SP8: variants seen among roughly 807,000 people sequenced by gnomAD.
SP8 encodes the protein transcription factor Sp8.
In SP8, 7 loss-of-function variants were observed where a neutral mutation model predicts 15.3. The observed-to-expected ratio is 0.46, with a 90% CI of 0.26 to 0.86. The LOEUF (loss-of-function observed/expected upper bound fraction) is 0.86. Among genes scored for constraint, SP8 ranks in the 40% least tolerant of loss-of-function variants. The pLI is 0.16. For missense variants in SP8, 731 were observed against 736.4 expected, an observed-to-expected ratio of 0.99 and a Z score of 0.09; for synonymous variants, 415 against 356.3, an observed-to-expected ratio of 1.16 and a Z score of -1.86.
At position 20,785,134 on chromosome 7, in the gene SP8, C is replaced by A. The variant is rs371130757; in HGVS notation, c.683G>T (p.Trp228Leu). 29 of 1,591,352 alleles carry A rather than the reference C, an allele frequency of 1.8e-5. No homozygotes were observed. Among genetic ancestry groups the A allele is most frequent in the Non-Finnish European group, 2.4e-5 (28 of 1,171,818 alleles). The change falls in exon 2 of 2, where the codon TGG (tryptophan) becomes TTG (leucine). Residue 228 changes from tryptophan to leucine, a missense_variant. By Grantham distance (61) the Trp-to-Leu change is moderately conservative. This residue lies in a region of SP8 where 586 missense variants were observed against 524.9 expected (regional missense o/e 1.12). Transcript: ENST00000418710. This position sits in a 1 kb window ranked among gnomAD's most constrained non-coding sequence, Gnocchi z 7.2. ...GEVGSAGASSWWDVGAGWIDV... is the reference protein window; with the variant it reads ...GEVGSAGASSLWDVGAGWIDV... ...GATCCAGCCGGCCCCCACGTCCCAC[C>A]AGCTGGAGGCGCCGGCCGAGCCCAC...
chr7:20,784,080 G>T lies in SP8; in HGVS notation c.*210C>A, dbSNP rs1270761817. On this transcript the variant is annotated 3_prime_UTR_variant, in exon 2 of 2. Transcript: ENST00000418710. Reference sequence around the variant, plus strand: ...TTACCCGTGGAAAGGGAAAGCCAGGGCCCGGGACAGCGATGCGTGTTACTT... The same window carrying T: ...TTACCCGTGGAAAGGGAAAGCCAGGTCCCGGGACAGCGATGCGTGTTACTT... The T allele has an allele frequency of 4.1e-6, 2 of 490,348 alleles. No individual in the cohort carries two copies. The highest frequency in any genetic ancestry group is 4.0e-5 in the African/African-American group (2 of 49,400). 30.4% of individuals were successfully genotyped at this position (490,348 alleles called of 1,614,324 possible).
In SP8 at chr7:20,784,903, A is replaced by G; in HGVS notation, c.914T>C (p.Leu305Pro). Residue 305 changes from leucine to proline, a missense_variant, in exon 2 of 2, where the codon CTA becomes CCA. Physicochemically the swap from Leu to Pro is moderately conservative, Grantham distance 98 (BLOSUM62 -3). Coordinates refer to ENST00000418710, the MANE Select transcript of SP8 (RefSeq NM_182700.6). ...GGCCGAGTCCGGGTAGGAGCCGGGT[A>G]GCACTGGCTTGAAGCCGTCCATGAG... ...QHLMDGFKPVLPGSYPDSAPS... is the reference protein window; with the variant it reads ...QHLMDGFKPVPPGSYPDSAPS... 6.5e-7 allele frequency: 1 copy of G among 1,537,184 alleles called. No individual in the cohort carries two copies. The highest frequency in any genetic ancestry group is 8.7e-7 in the Non-Finnish European group (1 of 1,148,034).
In SP8 at chr7:20,785,225, C is replaced by T; in HGVS notation, c.592G>A (p.Gly198Ser). 6.3e-7 allele frequency: 1 copy of T among 1,599,082 alleles called. No homozygotes were observed. The highest frequency in any genetic ancestry group is 2.3e-5 in the East Asian group (1 of 43,550). Residue 198 changes from glycine (G) to serine (S), a missense_variant, in exon 2 of 2, where the codon GGC becomes AGC. By Grantham distance (56) the Gly-to-Ser change is moderately conservative. Coordinates refer to ENST00000418710, the MANE Select transcript of SP8 (RefSeq NM_182700.6). The surrounding 1 kb of genome is among the most constrained non-coding windows in gnomAD (Gnocchi z 7.2). ...DGLQGIYPRV[G>S]MAHPYESWFK... ...CACGACTCGTACGGGTGCGCCATGC[C>T]CACCCGCGGGTAGATGCCCTGCAGC...
rs1783540272 is a variant in SP8 at position 20,783,000 on chromosome 7, T to A, written c.*1290A>T. The A allele has an allele frequency of 6.6e-6, 1 of 152,616 alleles. No individual in the cohort carries two copies. The highest frequency in any genetic ancestry group is 1.5e-5 in the Non-Finnish European group (1 of 68,032). 9.5% of individuals were successfully genotyped at this position (152,616 alleles called of 1,614,324 possible). A position where few individuals can be genotyped will look rare whatever the true frequency, so the allele number is the denominator to read the frequency against. On this transcript the variant is annotated 3_prime_UTR_variant, in exon 2 of 2. Transcript: ENST00000418710. Reference sequence around the variant, plus strand: ...TAATTGGTAACTAATCTAGAACGATTCTCCAGTTGTACAAACCATTAGGTT... The same window carrying A: ...TAATTGGTAACTAATCTAGAACGATACTCCAGTTGTACAAACCATTAGGTT...
chr7:20,784,285 G>A lies in SP8; in HGVS notation c.*5C>T, dbSNP rs1172581444. 8.9e-6 allele frequency: 13 copies of A among 1,462,824 alleles called. No individual in the cohort carries two copies. The highest frequency in any genetic ancestry group is 9.0e-6 in the Non-Finnish European group (10 of 1,113,880). The allele number at this position is 1,462,824 out of a possible 1,614,324, so 90.6% of individuals were successfully genotyped here. A position where few individuals can be genotyped will look rare whatever the true frequency, so the allele number is the denominator to read the frequency against. On this transcript the variant is annotated 3_prime_UTR_variant, in exon 2 of 2. Transcript: ENST00000418710. ...TCGGGGAGAGGGGCGGGCGCAGGGTGGGCGTCACTCTAGGCCGTTGCGGTG... is the reference window on the plus strand; with the variant it reads ...TCGGGGAGAGGGGCGGGCGCAGGGTAGGCGTCACTCTAGGCCGTTGCGGTG...
In SP8 at chr7:20,786,811, CCCT is replaced by C; in HGVS notation, c.-16_-14del. On this transcript the variant is annotated 5_prime_UTR_variant, in exon 1 of 2. Coordinates refer to ENST00000418710, the MANE Select transcript of SP8 (RefSeq NM_182700.6). This position sits in a 1 kb window ranked among gnomAD's most constrained non-coding sequence, Gnocchi z 4.4. ...GTGAAGTTGCCATCACACAAAAGTG[CCCT>C]CCTCCTCTCAGAGGATCTTTTTTAT... 3 of 1,609,718 alleles carry C rather than the reference CCCT, an allele frequency of 1.9e-6. No homozygotes were observed. Among genetic ancestry groups the C allele is most frequent in the African/African-American group, 1.3e-5 (1 of 74,996 alleles).
rs185478820 is a variant in SP8 at position 20,786,241 on chromosome 7, T to C, written c.22-446A>G. 6.6e-6 allele frequency among the ~76,000 whole-genome samples: 1 copy of C among 152,314 alleles called. No homozygotes were observed. The highest frequency in any genetic ancestry group is 6.5e-5 in the Admixed American group (1 of 15,298). Reference sequence around the variant, plus strand: ...AATCCGGAGAGCTTTGAAAAACCTGTTCGGGTCCCCAGAAACCCATCCTGG... The same window carrying C: ...AATCCGGAGAGCTTTGAAAAACCTGCTCGGGTCCCCAGAAACCCATCCTGG... On this transcript the variant is annotated intron_variant, in intron 1 of 1. Coordinates refer to ENST00000418710, the MANE Select transcript of SP8 (RefSeq NM_182700.6). The surrounding 1 kb of genome is among the most constrained non-coding windows in gnomAD (Gnocchi z 4.4).
chr7:20,785,705 A>G lies in SP8; in HGVS notation c.112T>C (p.Ser38Pro), dbSNP rs1783658228. The G allele has an allele frequency of 1.2e-6, 2 of 1,613,860 alleles. No homozygotes were observed. The highest frequency in any genetic ancestry group is 1.7e-6 in the Non-Finnish European group (2 of 1,179,962). The change falls in exon 2 of 2, where the codon TCG becomes CCG. Residue 38 changes from serine to proline, a missense_variant. Physicochemically the swap from Ser to Pro is moderately conservative, Grantham distance 74. Coordinates refer to ENST00000418710, the MANE Select transcript of SP8 (RefSeq NM_182700.6). The surrounding 1 kb of genome is among the most constrained non-coding windows in gnomAD (Gnocchi z 7.2). ...GSPSPSPSSL[S>P]DSSSSFGKGF... ...TTGCCGAAGGAAGAAGAGCTGTCCG[A>G]GAGGGAGGAGGGAGACGGGCTGGGG... is the stretch of plus-strand genomic sequence containing the variant.
chr7:20,784,990 A>T lies in SP8; in HGVS notation c.827T>A (p.Leu276Gln). 2 of 1,572,702 alleles carry T rather than the reference A, an allele frequency of 1.3e-6. No individual in the cohort carries two copies. The highest frequency in any genetic ancestry group is 1.7e-6 in the Non-Finnish European group (2 of 1,165,702). Residue 276 changes from leucine (L) to glutamine (Q), a missense_variant, in exon 2 of 2, where the codon CTG becomes CAG. Leu to Gln is a moderately radical substitution (Grantham distance 113). Transcript: ENST00000418710. ...GCCGCTGCTGAAGGCCGAGTGACTC[A>T]GGCCCGAGTAATCCGAGTTGTAGCC... is the stretch of plus-strand genomic sequence containing the variant. ...LGGYNSDYSGLSHSAFSSGAS... is the reference protein window; with the variant it reads ...LGGYNSDYSGQSHSAFSSGAS...
In SP8 at chr7:20,785,849, TG is replaced by T; in HGVS notation, c.22-55del. On this transcript the variant is annotated intron_variant, in intron 1 of 1. Transcript: ENST00000418710. This position sits in a 1 kb window ranked among gnomAD's most constrained non-coding sequence, Gnocchi z 7.2. ...GGAGGGGAGGTGGGCAAAGGGCCGG[TG>T]GGGGAGGAAAGGAAGAAATGTGCAT... is the stretch of plus-strand genomic sequence containing the variant. 2.8e-6 allele frequency: 4 copies of T among 1,443,902 alleles called. No homozygotes were observed. Among genetic ancestry groups the T allele is most frequent in the South Asian group, 1.2e-5 (1 of 83,288 alleles). The allele number at this position is 1,443,902 out of a possible 1,614,324, so 89.4% of individuals were successfully genotyped here.
At position 20,784,990 on chromosome 7, in the gene SP8, A is replaced by G; in HGVS notation, c.827T>C (p.Leu276Pro). 6.4e-7 allele frequency: 1 copy of G among 1,572,702 alleles called. No individual in the cohort carries two copies. The highest frequency in any genetic ancestry group is 1.4e-5 in the African/African-American group (1 of 73,140). Residue 276 changes from leucine (L) to proline (P), a missense_variant, in exon 2 of 2, where the codon CTG becomes CCG. By Grantham distance (98) the Leu-to-Pro change is moderately conservative. Around this residue, in one of 3 missense-constraint regions of SP8, gnomAD observed 586 missense variants for 524.9 expected, o/e 1.12. Coordinates refer to ENST00000418710, the MANE Select transcript of SP8 (RefSeq NM_182700.6). Reference protein sequence around the residue: ...LGGYNSDYSGLSHSAFSSGAS... With the variant: ...LGGYNSDYSGPSHSAFSSGAS... ...GCCGCTGCTGAAGGCCGAGTGACTC[A>G]GGCCCGAGTAATCCGAGTTGTAGCC...
Position 20,784,760 on chromosome 7 carries a change from G to T in SP8, c.1057C>A (p.Pro353Thr). The change falls in exon 2 of 2, where the codon CCC becomes ACC. Residue 353 changes from proline to threonine, a missense_variant. Around this residue, in one of 3 missense-constraint regions of SP8, gnomAD observed 586 missense variants for 524.9 expected, o/e 1.12. Coordinates refer to ENST00000418710, the MANE Select transcript of SP8 (RefSeq NM_182700.6). ...RYSGRATCDCPNCQEAERLGP... is the reference protein window; with the variant it reads ...RYSGRATCDCTNCQEAERLGP... ...AGCCGCTCTGCCTCCTGGCAGTTGG[G>T]GCAGTCGCAGGTGGCGCGGCCGGAG... 1 of 1,572,270 alleles carries T rather than the reference G, an allele frequency of 6.4e-7. No individual in the cohort carries two copies. The highest frequency in any genetic ancestry group is 8.6e-7 in the Non-Finnish European group (1 of 1,165,616).
rs1212085160 is a variant in SP8 at position 20,784,659 on chromosome 7, G to A, written c.1158C>T (p.Gly386=). 6.2e-7 allele frequency: 1 copy of A among 1,609,868 alleles called. No homozygotes were observed. Among genetic ancestry groups the A allele is most frequent in the African/African-American group, 1.3e-5 (1 of 74,672 alleles). The part of the protein sequence containing the change: ...CHIPGCGKVY[G]KTSHLKAHLR... ...GGTGCGCCTTGAGGTGCGAAGTCTT[G>A]CCGTACACCTTGCCGCAGCCCGGGA... is the stretch of plus-strand genomic sequence containing the variant. The change falls in exon 2 of 2, where the codon GGC becomes GGT. Residue 386 remains glycine (G), a synonymous_variant. Coordinates refer to ENST00000418710, the MANE Select transcript of SP8 (RefSeq NM_182700.6).
chr7:20,785,784 C>T lies in SP8; in HGVS notation c.33G>A (p.Arg11=). 7 of 1,612,712 alleles carry T rather than the reference C, an allele frequency of 4.3e-6. No individual in the cohort carries two copies. Among genetic ancestry groups the T allele is most frequent in the Non-Finnish European group, 5.9e-6 (7 of 1,179,362 alleles). Residue 11 remains arginine, a synonymous_variant, in exon 2 of 2, where the codon AGG becomes AGA. Transcript: ENST00000418710. This position sits in a 1 kb window ranked among gnomAD's most constrained non-coding sequence, Gnocchi z 7.2. ...GCATGGCCAGAGGAGTCGATCCCAACCTCGGTTCTTCCTGCGAGGAGGAGA... is the reference window on the plus strand; with the variant it reads ...GCATGGCCAGAGGAGTCGATCCCAATCTCGGTTCTTCCTGCGAGGAGGAGA... MATSLLGEEP[R]LGSTPLAMLA...
Position 20,786,709 on chromosome 7 carries a change from C to A in SP8, c.21+69G>T, listed in dbSNP as rs536302227. On this transcript the variant is annotated intron_variant, in intron 1 of 1. Coordinates refer to ENST00000418710, the MANE Select transcript of SP8 (RefSeq NM_182700.6). This position sits in a 1 kb window ranked among gnomAD's most constrained non-coding sequence, Gnocchi z 4.4. The stretch of plus-strand genomic sequence containing the variant: ...ATAGCCCGTGGCCTGGCCGGGGCGA[C>A]TTTAACCCCCTCCAATCGGCAATAA... The A allele has an allele frequency of 1.4e-6, 2 of 1,446,372 alleles. No homozygotes were observed. Among genetic ancestry groups the A allele is most frequent in the African/African-American group, 1.4e-5 (1 of 71,576 alleles). 89.6% of individuals were successfully genotyped at this position (1,446,372 alleles called of 1,614,324 possible).
rs1161962477 is a variant in SP8, at chr7:20,784,515, G to A, written c.1302C>T (p.Phe434=). Residue 434 remains phenylalanine (F), a synonymous_variant, in exon 2 of 2, where the codon TTC becomes TTT. Transcript: ENST00000418710. The part of the protein sequence containing the change: ...HLRTHTGEKR[F]ACPVCNKRFM... ...AGCGCTTGTTGCAAACTGGACAGGC[G>A]AAGCGCTTCTCGCCGGTGTGGGTCC... 7 of 1,567,070 alleles carry A rather than the reference G, an allele frequency of 4.5e-6. No individual in the cohort carries two copies.
chr7:20,784,380 G>A lies in SP8; in HGVS notation c.1437C>T (p.Asp479=). ...GGCTGCCCGCGGCGCTGTGCTCGCT[G>A]TCGGTGTCGCTGCCCTTCTTGCCGC... ...GSGGKKGSDT[D]SEHSAAGSPP... The change falls in exon 2 of 2, where the codon GAC becomes GAT. Residue 479 remains aspartate, a synonymous_variant. Coordinates refer to ENST00000418710, the MANE Select transcript of SP8 (RefSeq NM_182700.6). 2.0e-6 allele frequency: 3 copies of A among 1,526,712 alleles called. No homozygotes were observed. Among genetic ancestry groups the A allele is most frequent in the Non-Finnish European group, 2.6e-6 (3 of 1,143,310 alleles). The allele number at this position is 1,526,712 out of a possible 1,614,324, so 94.6% of individuals were successfully genotyped here.
In SP8 at chr7:20,785,421, G is replaced by T. The variant is rs1327595301; in HGVS notation, c.396C>A (p.Ala132=). 1.5e-6 allele frequency: 2 copies of T among 1,316,874 alleles called. No homozygotes were observed. The highest frequency in any genetic ancestry group is 2.0e-6 in the Non-Finnish European group (2 of 1,023,926). 81.6% of individuals were successfully genotyped at this position (1,316,874 alleles called of 1,614,324 possible). ...TGGCGAAGGGCGAGCTGGAGGCGGC[G>T]GCTGCGGCGGCGGCGGCGGCGGCTG... is the stretch of plus-strand genomic sequence containing the variant. The part of the protein sequence containing the change: ...SAAAAAAAAA[A]AASSSPFAND... The change falls in exon 2 of 2, where the codon GCC becomes GCA. Residue 132 remains alanine (A), a synonymous_variant. Transcript: ENST00000418710. The surrounding 1 kb of genome is among the most constrained non-coding windows in gnomAD (Gnocchi z 7.2).
Position 20,786,872 on chromosome 7 carries a change from G to T in SP8, c.-74C>A. ...AATCAGAGGCAGTGTTTTTTTTAGAGGTGTGCAATACAATGATCAGTTCCG... is the reference window on the plus strand; with the variant it reads ...AATCAGAGGCAGTGTTTTTTTTAGATGTGTGCAATACAATGATCAGTTCCG... On this transcript the variant is annotated 5_prime_UTR_variant, in exon 1 of 2. Transcript: ENST00000418710. The surrounding 1 kb of genome is among the most constrained non-coding windows in gnomAD (Gnocchi z 4.4). 1 of 1,204,398 alleles carries T rather than the reference G, an allele frequency of 8.3e-7. No homozygotes were observed. The highest frequency in any genetic ancestry group is 1.2e-6 in the Non-Finnish European group (1 of 805,630). 74.6% of individuals were successfully genotyped at this position (1,204,398 alleles called of 1,614,324 possible).
Sources: allele counts gnomAD v4.1 joint callset (sites outside exome capture counted in the v4.1 genomes callset), GRCh38; gene constraint gnomAD v4.1.1; regional missense constraint gnomAD v4.1.1; non-coding constraint Gnocchi (gnomAD v3.1); transcripts MANE v1.5; gene names NCBI Gene and HGNC (gene_info 2026-07-23, HGNC 2026-07-21).